The following KNTC1 variants were observed in gnomAD, a reference collection of about 807,000 sequenced individuals.
KNTC1 encodes the protein kinetochore associated 1, also known as kinetochore-associated protein 1.
KNTC1 carries 253 observed loss-of-function variants against 314.4 expected under a neutral mutation model. That is an observed-to-expected ratio of 0.80 (90% CI 0.73 to 0.89). The LOEUF is 0.89. Among genes scored for constraint, KNTC1 ranks in the 40% least tolerant of loss-of-function variants. KNTC1 has a pLI of 0.00. For synonymous variants in KNTC1, 901 were observed against 901.4 expected (o/e 1.00, Z 0.01); for missense variants, 2,475 against 2,572.9 (o/e 0.96, Z 0.82).
intron 45 of KNTC1, 148 bp downstream of exon 45, chr12:122,601,773 A>C (rs1185131554): frequency 1.1e-5 from 9 of 814,758 alleles, no homozygotes; most frequent in Non-Finnish European, 1.5e-5. Flanking sequence ...AATCTTTACA[A>C]ATCTTTAAAA....
At position 122,548,280 on chromosome 12, in the gene KNTC1, C is replaced by G. The variant is rs1962935709; in HGVS notation, c.987+311C>G. Among the ~76,000 whole-genome samples, 3 of 152,226 alleles carry G rather than the reference C, an allele frequency of 2.0e-5. No individual in the cohort carries two copies. In the South Asian group the frequency reaches 6.2e-4, roughly 32 times the overall value. On this transcript the variant is annotated intron_variant, in intron 12 of 63. Coordinates refer to ENST00000333479, the MANE Select transcript of KNTC1 (RefSeq NM_014708.6). The stretch of plus-strand genomic sequence containing the variant: ...CTGTAGTGCTATGGCACAATCTCGG[C>G]TCACTGCAACCCCCCACCCCCTGGG...
chr12:122,613,264 A>G, intron 54 of KNTC1, 34 bp downstream of exon 54: 1 of 1,356,898 alleles, frequency 7.4e-7, no homozygotes, highest in South Asian at 1.2e-5. Context: ...ATTAAGAAAT[A>G]GGAAACAGAT....
rs114956649 is a variant in KNTC1 at position 122,625,074 on chromosome 12, T to C, written c.6606+386T>C. On this transcript the variant is annotated intron_variant, in intron 63 of 63. Coordinates refer to ENST00000333479, the MANE Select transcript of KNTC1 (RefSeq NM_014708.6). ...TAATTGCTTTTTAAATTAATTATTA[T>C]TCTTTAATTACCTAAAACGTATATT... Among the ~76,000 whole-genome samples the C allele has an allele frequency of 4.9e-3, 752 of 152,276 alleles. 5 individuals are homozygous for C. Among genetic ancestry groups the C allele is most frequent in the African/African-American group, 0.017 (721 of 41,542 alleles).
Position 122,546,673 on chromosome 12 carries a change from A to G in KNTC1, c.815A>G (p.Asp272Gly). ...IDNLLFVLDT[D>G]NVLSLWDIYT... ...AATCTACTTTTTGTTCTTGATACTGATGTATGTTTCTTGTTTCTCCTTCAA... is the reference window on the plus strand; with the variant it reads ...AATCTACTTTTTGTTCTTGATACTGGTGTATGTTTCTTGTTTCTCCTTCAA... The change falls in exon 10 of 64, where the codon GAT becomes GGT. Residue 272 changes from aspartate to glycine, a missense_variant and splice_region_variant. Physicochemically the swap from Asp to Gly is moderately conservative, Grantham distance 94 (BLOSUM62 -1). Transcript: ENST00000333479. 3 of 1,560,936 alleles carry G rather than the reference A, an allele frequency of 1.9e-6. No individual in the cohort carries two copies. The South Asian group carries it at 3.5e-5, about 18-fold the overall frequency.
Position 122,584,279 on chromosome 12 carries a change from GACTTGTTTAAGTATC to G in KNTC1, c.3269_3283del (p.Leu1090_His1094del). On this transcript the variant is annotated inframe_deletion and splice_region_variant, in exon 35 of 64. Coordinates refer to ENST00000333479, the MANE Select transcript of KNTC1 (RefSeq NM_014708.6). ...ACCAATACTTTCTTTCTTCCAAAGC[GACTTGTTTAAGTATC>G]ACTGCAATGCTGACACTGGGAAATT... The G allele has an allele frequency of 6.2e-7, 1 of 1,602,846 alleles. No individual in the cohort carries two copies. Among genetic ancestry groups the G allele is most frequent in the Non-Finnish European group, 8.5e-7 (1 of 1,173,066 alleles).
Position 122,584,279 on chromosome 12 carries a change from G to T in KNTC1, c.3265G>T (p.Asp1089Tyr). 6.2e-7 allele frequency: 1 copy of T among 1,602,838 alleles called. No homozygotes were observed. Among genetic ancestry groups the T allele is most frequent in the South Asian group, 1.1e-5 (1 of 89,482 alleles). The change falls in exon 35 of 64, where the codon GAC (aspartate) becomes TAC (tyrosine). Residue 1089 changes from aspartate to tyrosine, a missense_variant and splice_region_variant. Asp to Tyr is a radical substitution (Grantham distance 160). Transcript: ENST00000333479. ...ACCAATACTTTCTTTCTTCCAAAGC[G>T]ACTTGTTTAAGTATCACTGCAATGC... Reference protein sequence around the residue: ...NIKTALKKCSDLFKYHCNADT... With the variant: ...NIKTALKKCSYLFKYHCNADT...
chr12:122,536,434 G>A (rs1465238447), intron 3 of KNTC1, among the ~76,000 whole-genome samples: 3 of 151,406 alleles, frequency 2.0e-5, no homozygotes, highest in Non-Finnish European at 4.4e-5. Flanking sequence ...GTTTCACTAT[G>A]TTGGCCAGGC....
chr12:122,564,168 G>T lies in KNTC1; in HGVS notation c.1604+1469G>T, dbSNP rs979513597. ...AATTTTTGTATTTTTAGTAGAGACGGTGTTTCACCATGTTGGCCAGGCTGG... is the reference window on the plus strand; with the variant it reads ...AATTTTTGTATTTTTAGTAGAGACGTTGTTTCACCATGTTGGCCAGGCTGG... On this transcript the variant is annotated intron_variant, in intron 20 of 63. Transcript: ENST00000333479. Among the ~76,000 whole-genome samples the T allele has an allele frequency of 1.1e-4, 16 of 152,110 alleles. No homozygotes were observed. The Middle Eastern group carries it at 0.017, about 162-fold the overall frequency.
chr12:122,622,021 G>A (rs1874495808), intron 61 of KNTC1, 51 bp downstream of exon 61: 18 of 1,266,326 alleles, frequency 1.4e-5, no homozygotes, highest in Non-Finnish European at 1.8e-5. Context: ...GATACTAGAA[G>A]GTAGTCATTT....
intron 16 of KNTC1, among the ~76,000 whole-genome samples, chr12:122,551,988 A>G (rs911167275): frequency 1.3e-4 from 20 of 151,680 alleles, no homozygotes; most frequent in African/African-American, 4.6e-4. Flanking sequence ...GCTCACTGCA[A>G]CCTCCGCCTC....
At chr12:122,593,005 C>G (rs551709493) in intron 42 of KNTC1, 13 of 153,556 alleles carry the variant, frequency 8.5e-5, no homozygotes, top group African/African-American at 3.1e-4. Flanking sequence ...GACGCTCTGC[C>G]TTAAGAGCTG....
At chr12:122,578,444 C>G (rs924986326) in intron 31 of KNTC1, among the ~76,000 whole-genome samples, 12 of 151,374 alleles carry the variant, frequency 7.9e-5, no homozygotes, top group Admixed American at 6.6e-4. Flanking sequence ...TTTTTTGAGA[C>G]AAGAGTCTTG....
intron 18 of KNTC1, 108 bp from the exon 19 acceptor site, chr12:122,561,813 A>C (rs1963994043): frequency 1.2e-6 from 1 of 816,372 alleles, no homozygotes; most frequent in African/African-American, 1.7e-5. Context: ...TTTCACACTT[A>C]AATGCAATTT....
At chr12:122,567,459 T>TAATTTTATA (rs916237681) in intron 20 of KNTC1, among the ~76,000 whole-genome samples, 4 of 152,250 alleles carry the variant, frequency 2.6e-5, no homozygotes, top group African/African-American at 7.2e-5. Flanking sequence ...TCCAGGTATA[T>TAATTTTATA]AATTTTATAT....
intron 12 of KNTC1, among the ~76,000 whole-genome samples, chr12:122,548,599 A>G (rs1034582304): frequency 6.6e-6 from 1 of 152,196 alleles, no homozygotes; most frequent in Non-Finnish European, 1.5e-5. Flanking sequence ...AATGGACTTC[A>G]GGTATATGTA....
At chr12:122,537,987 A>G (rs1380093155) in intron 3 of KNTC1, among the ~76,000 whole-genome samples, 1 of 151,994 alleles carries the variant, frequency 6.6e-6, no homozygotes, top group Non-Finnish European at 1.5e-5. Flanking sequence ...ACCAAAAACT[A>G]GCTGGCCATA....
chr12:122,614,846 A>G (rs1471573128), intron 55 of KNTC1, 145 bp from the exon 56 acceptor site: 8 of 519,164 alleles, frequency 1.5e-5, no homozygotes, highest in Non-Finnish European at 2.1e-5. Context: ...ATGCCACTGC[A>G]CTCCAGCCTG....
chr12:122,548,190 G>A (rs894562152), intron 12 of KNTC1, among the ~76,000 whole-genome samples: 1 of 152,032 alleles, frequency 6.6e-6, no homozygotes, highest in Non-Finnish European at 1.5e-5. Flanking sequence ...ATGCCCATAG[G>A]AAAGTGTTTA....
chr12:122,580,708 C>G lies in KNTC1; in HGVS notation c.2982+38C>G, dbSNP rs374186629. On this transcript the variant is annotated intron_variant, in intron 33 of 63. Coordinates refer to ENST00000333479, the MANE Select transcript of KNTC1 (RefSeq NM_014708.6). ...AGCCATGTTAAACATTATTACTTGA[C>G]CAATCAGTGCATTTTTCCCTCCTTA... The G allele has an allele frequency of 2.0e-5, 27 of 1,347,440 alleles. No homozygotes were observed. In the Middle Eastern group the frequency reaches 7.2e-4, roughly 36 times the overall value. 83.5% of individuals were successfully genotyped at this position (1,347,440 alleles called of 1,614,324 possible). A position where few individuals can be genotyped will look rare whatever the true frequency, so the allele number is the denominator to read the frequency against.
Sources: allele counts gnomAD v4.1 joint callset (sites outside exome capture counted in the v4.1 genomes callset), GRCh38; gene constraint gnomAD v4.1.1; transcripts MANE v1.5; gene names NCBI Gene and HGNC (gene_info 2026-07-23, HGNC 2026-07-21).